Variants in AGAP1 observed in about 807,000 individuals in gnomAD.
The protein encoded by AGAP1 is arf-GAP with GTPase, ANK repeat and PH domain-containing protein 1.
Under a neutral mutation model 105.3 loss-of-function variants are expected in AGAP1, and 29 were observed. That is an observed-to-expected ratio of 0.28 (90% CI 0.21 to 0.38). The LOEUF (loss-of-function observed/expected upper bound fraction) is 0.38, where lower values mean the gene tolerates loss of function less well. AGAP1 is among the 10% of genes least tolerant of loss of function. The pLI is 1.00. For missense variants in AGAP1, 998 were observed against 1,165.1 expected (o/e 0.86, Z 2.09); for synonymous variants, 509 against 485.9 (o/e 1.05, Z -0.63).
At position 235,994,754 on chromosome 2, in the gene AGAP1, C is replaced by CT. The variant is rs34343921; in HGVS notation, c.1645+26144dup. Among the ~76,000 whole-genome samples the CT allele has an allele frequency of 1.1e-3, 163 of 143,982 alleles. 2 individuals are homozygous for CT. The highest frequency in any genetic ancestry group is 0.01 in the South Asian group (47 of 4,526). 94.5% of individuals were successfully genotyped at this position (143,982 alleles called of 152,430 possible). On this transcript the variant is annotated intron_variant, in intron 13 of 17. Transcript: ENST00000304032. The surrounding 1 kb of genome is among the most constrained non-coding windows in gnomAD (Gnocchi z 4.4). ...GGGGAAGAGCATGATGAATTTCTTTCTTTTTTTTTTTTTAAACTAAAATTA... is the reference window on the plus strand; with the variant it reads ...GGGGAAGAGCATGATGAATTTCTTTCTTTTTTTTTTTTTTAAACTAAAATTA...
intron 16 of AGAP1, among the ~76,000 whole-genome samples, chr2:236,084,226 G>T (rs3768936): frequency 1.1e-4 from 16 of 151,472 alleles, no homozygotes; most frequent in South Asian, 2.1e-4. Context: ...TGAAGGGCGG[G>T]GGGGGGTCTC....
In AGAP1 at chr2:235,728,276, A is replaced by G. The variant is rs1951749459; in HGVS notation, c.310+10632A>G. Among the ~76,000 whole-genome samples the G allele has an allele frequency of 2.7e-5, 4 of 149,220 alleles. No individual in the cohort carries two copies. In the South Asian group the frequency reaches 8.6e-4, roughly 32 times the overall value. On this transcript the variant is annotated intron_variant, in intron 3 of 17. Transcript: ENST00000304032. The surrounding 1 kb of genome is among the most constrained non-coding windows in gnomAD (Gnocchi z 4.3). ...TCATGTGCTACTGGCTGGCTGTGAG[A>G]TCTGAAAAGGACTGGGCCCAGACTC...
chr2:235,647,322 ACTGT>A (rs1947426173), intron 1 of AGAP1, among the ~76,000 whole-genome samples: 1 of 152,138 alleles, frequency 6.6e-6, no homozygotes, highest in African/African-American at 2.4e-5. Flanking sequence ...ATGTAGCATG[ACTGT>A]CTCAGATCAG....
At chr2:236,007,854 G>GA (rs2056376030) in intron 13 of AGAP1, among the ~76,000 whole-genome samples, 1 of 152,246 alleles carries the variant, frequency 6.6e-6, no homozygotes, top group Admixed American at 6.5e-5. Context: ...CCAGTCCTTG[G>GA]AGAGGGGACG....
Position 236,073,562 on chromosome 2 carries a change from G to T in AGAP1, c.2114+24281G>T, listed in dbSNP as rs1308533087. On this transcript the variant is annotated intron_variant, in intron 16 of 17. Coordinates refer to ENST00000304032, the MANE Select transcript of AGAP1 (RefSeq NM_001037131.3). This position sits in a 1 kb window ranked among gnomAD's most constrained non-coding sequence, Gnocchi z 5.4. ...GTTGCGCCAGTCAGGAGTAATTGTT[G>T]TAAGTTAGGCTTTGACAAGGACCTT... Among the ~76,000 whole-genome samples the T allele has an allele frequency of 1.3e-5, 2 of 152,146 alleles. No individual in the cohort carries two copies. The highest frequency in any genetic ancestry group is 2.1e-4 in the South Asian group (1 of 4,824).
rs1336582296 is a variant in AGAP1 at position 235,824,165 on chromosome 2, A to G, written c.1050+16834A>G. ...ACTACTGCAGAAACGTTTTCTAAAT[A>G]GCGCCAACGCTGAGGGGTCTTCGAT... On this transcript the variant is annotated intron_variant, in intron 9 of 17. Coordinates refer to ENST00000304032, the MANE Select transcript of AGAP1 (RefSeq NM_001037131.3). This position sits in a 1 kb window ranked among gnomAD's most constrained non-coding sequence, Gnocchi z 5.2. Among the ~76,000 whole-genome samples the G allele has an allele frequency of 6.6e-6, 1 of 152,254 alleles. No individual in the cohort carries two copies. Among genetic ancestry groups the G allele is most frequent in the Admixed American group, 6.5e-5 (1 of 15,286 alleles).
intron 1 of AGAP1, among the ~76,000 whole-genome samples, chr2:235,562,954 G>A (rs1022848080): frequency 6.6e-6 from 1 of 152,112 alleles, no homozygotes; most frequent in Non-Finnish European, 1.5e-5. Flanking sequence ...CAGCTACTCC[G>A]GAGGCTGAGG....
Position 235,931,961 on chromosome 2 carries a change from A to G in AGAP1, c.1483+1038A>G, listed in dbSNP as rs527660294. On this transcript the variant is annotated intron_variant, in intron 12 of 17. Coordinates refer to ENST00000304032, the MANE Select transcript of AGAP1 (RefSeq NM_001037131.3). The surrounding 1 kb of genome is among the most constrained non-coding windows in gnomAD (Gnocchi z 5.6). Reference sequence around the variant, plus strand: ...GCTGGCCCATTCCCATCCCAGCGCCAGGGCTTGCTCCTTCCCTCAAAAGAA... The same window carrying G: ...GCTGGCCCATTCCCATCCCAGCGCCGGGGCTTGCTCCTTCCCTCAAAAGAA... 2.8e-4 allele frequency among the ~76,000 whole-genome samples: 43 copies of G among 152,112 alleles called. No individual in the cohort carries two copies. Among genetic ancestry groups the G allele is most frequent in the Non-Finnish European group, 4.9e-4 (33 of 68,020 alleles).
rs569731849 is a variant in AGAP1, at chr2:235,776,895, C to T, written c.674-20864C>T. ...CCTAGCCCTTTCTTGGCTGCAACCTCTCTGGCTTTTCCGCCAAACTGGAAT... is the reference window on the plus strand; with the variant it reads ...CCTAGCCCTTTCTTGGCTGCAACCTTTCTGGCTTTTCCGCCAAACTGGAAT... On this transcript the variant is annotated intron_variant, in intron 6 of 17. Coordinates refer to ENST00000304032, the MANE Select transcript of AGAP1 (RefSeq NM_001037131.3). The T allele has an allele frequency of 9.9e-4, 467 of 470,430 alleles. 7 individuals are homozygous for T. Among genetic ancestry groups the T allele is most frequent in the South Asian group, 7.1e-3 (456 of 64,532 alleles). The allele number at this position is 470,430 out of a possible 1,614,324, so 29.1% of individuals were successfully genotyped here. A position where few individuals can be genotyped will look rare whatever the true frequency, so the allele number is the denominator to read the frequency against.
At chr2:236,066,810 T>C (rs1435044169) in intron 16 of AGAP1, among the ~76,000 whole-genome samples, 3 of 152,186 alleles carry the variant, frequency 2.0e-5, no homozygotes, top group African/African-American at 7.2e-5. Context: ...CTCCTGTTTA[T>C]TCTCCCTGTT....
intron 9 of AGAP1, among the ~76,000 whole-genome samples, chr2:235,854,706 G>A (rs1037813289): frequency 1.3e-5 from 2 of 152,240 alleles, no homozygotes; most frequent in African/African-American, 4.8e-5. Context: ...TTAAGTGGCA[G>A]TTGCTGATGG....
At chr2:235,496,046 G>A (rs528994718) in intron 1 of AGAP1, among the ~76,000 whole-genome samples, 1 of 152,344 alleles carries the variant, frequency 6.6e-6, no homozygotes, top group South Asian at 2.1e-4. Context: ...GAGAGGCTTT[G>A]CCTTGGCACT....
chr2:235,864,458 G>A lies in AGAP1; in HGVS notation c.1051-18887G>A, dbSNP rs925375701. On this transcript the variant is annotated intron_variant, in intron 9 of 17. Transcript: ENST00000304032. The surrounding 1 kb of genome is among the most constrained non-coding windows in gnomAD (Gnocchi z 5.0). ...TGTTTGCGGTTCTGGCCTCCAGGGC[G>A]GTCTGGGTGGGAGGAGGAGGTGGGC... Among the ~76,000 whole-genome samples, 2 of 152,196 alleles carry A rather than the reference G, an allele frequency of 1.3e-5. No individual in the cohort carries two copies. Among genetic ancestry groups the A allele is most frequent in the East Asian group, 1.9e-4 (1 of 5,194 alleles).
At position 235,927,139 on chromosome 2, in the gene AGAP1, C is replaced by T. The variant is rs543861814; in HGVS notation, c.1325-3626C>T. On this transcript the variant is annotated intron_variant, in intron 11 of 17. Coordinates refer to ENST00000304032, the MANE Select transcript of AGAP1 (RefSeq NM_001037131.3). This position sits in a 1 kb window ranked among gnomAD's most constrained non-coding sequence, Gnocchi z 4.4. ...CAGTCATGCTGTTTCAGTGTAGTCC[C>T]GCAGTGGGAAGTGGGTGTGGCTGGG... is the stretch of plus-strand genomic sequence containing the variant. Among the ~76,000 whole-genome samples the T allele has an allele frequency of 1.2e-4, 19 of 152,204 alleles. No individual in the cohort carries two copies. In the East Asian group the frequency reaches 2.3e-3, roughly 19 times the overall value.
intron 6 of AGAP1, 74 bp from the exon 7 acceptor site, chr2:235,797,685 C>T (rs1957305316): frequency 2.6e-6 from 4 of 1,563,256 alleles, no homozygotes; most frequent in Admixed American, 1.7e-5. Context: ...CGACAACAGA[C>T]TGATGATCTC....
chr2:236,116,367 T>A (rs1041761204), intron 16 of AGAP1, among the ~76,000 whole-genome samples: 30 of 150,534 alleles, frequency 2.0e-4, no homozygotes, highest in African/African-American at 6.3e-4. Context: ...CTTTTTTTTT[T>A]GAGAGAGAGT....
chr2:235,774,400 C>T (rs966554456), intron 6 of AGAP1: 9 of 470,596 alleles, frequency 1.9e-5, no homozygotes, highest in African/African-American at 1.6e-4. Context: ...CTGAGTCTGT[C>T]GGGTTGAGTA....
In AGAP1 at chr2:236,095,541, GA is replaced by G. The variant is rs1183433872; in HGVS notation, c.2115-24644del. Among the ~76,000 whole-genome samples, 1 of 151,736 alleles carries G rather than the reference GA, an allele frequency of 6.6e-6. No individual in the cohort carries two copies. Among genetic ancestry groups the G allele is most frequent in the African/African-American group, 2.4e-5 (1 of 41,304 alleles). On this transcript the variant is annotated intron_variant, in intron 16 of 17. Transcript: ENST00000304032. This position sits in a 1 kb window ranked among gnomAD's most constrained non-coding sequence, Gnocchi z 4.1. The stretch of plus-strand genomic sequence containing the variant: ...AAAATAAAAAAAGATTAAAAAATAG[GA>G]AAAAAAGACTCTCTAAAAAAATACA...
At chr2:235,835,158 C>T (rs1245551074) in intron 9 of AGAP1, among the ~76,000 whole-genome samples, 1 of 152,292 alleles carries the variant, frequency 6.6e-6, no homozygotes, top group East Asian at 1.9e-4. Context: ...CATGCGTTTC[C>T]CACGCTGAGC....
Sources: allele counts gnomAD v4.1 joint callset (sites outside exome capture counted in the v4.1 genomes callset), GRCh38; gene constraint gnomAD v4.1.1; non-coding constraint Gnocchi (gnomAD v3.1); transcripts MANE v1.5; gene names NCBI Gene and HGNC (gene_info 2026-07-23, HGNC 2026-07-21).